Variants in GRIN2A observed in about 807,000 individuals in gnomAD.
GRIN2A encodes the protein glutamate ionotropic receptor NMDA type subunit 2A.
GRIN2A carries 22 observed loss-of-function variants against 113.4 expected under a neutral mutation model. The observed-to-expected ratio is 0.19, with a 90% CI of 0.14 to 0.28. The LOEUF is 0.28. Ranked by LOEUF, GRIN2A falls within the 10% of genes least tolerant of loss-of-function variation. The pLI is 1.00. For missense variants in GRIN2A, 1,502 were observed against 1,887.0 expected (o/e 0.80, Z 3.78); for synonymous variants, 827 against 738.4 (o/e 1.12, Z -1.94).
intron 2 of GRIN2A, among the ~76,000 whole-genome samples, chr16:10,135,937 C>T (rs1304209564): frequency 6.6e-6 from 1 of 152,200 alleles, no homozygotes; most frequent in Non-Finnish European, 1.5e-5. Flanking sequence ...TCCAAGTTGA[C>T]ACAGAACTGA....
At chr16:9,912,838 T>A (rs2044173040) in intron 3 of GRIN2A, among the ~76,000 whole-genome samples, 1 of 152,242 alleles carries the variant, frequency 6.6e-6, no homozygotes, top group Non-Finnish European at 1.5e-5. Flanking sequence ...TTGAATTTCA[T>A]ATCTAAAAGG....
At chr16:10,092,861 CTTTT>C (rs33949885) in intron 2 of GRIN2A, among the ~76,000 whole-genome samples, 10 of 142,502 alleles carry the variant, frequency 7.0e-5, no homozygotes, top group East Asian at 2.0e-4. Context: ...TGAAAAGTTG[CTTTT>C]TTTTTTTTTT....
intron 2 of GRIN2A, chr16:9,943,212 A>G (rs1312828263): frequency 1.3e-5 from 2 of 152,158 alleles, no homozygotes; most frequent in Non-Finnish European, 2.9e-5. Context: ...GCTTCCTTAG[A>G]ATGTGCAGCT....
At position 9,763,876 on chromosome 16, in the gene GRIN2A, G is replaced by T. The variant is rs770966136; in HGVS notation, c.3668C>A (p.Thr1223Asn). ...HCRSCLSNMPTYSGHFTMRSP... is the reference protein window; with the variant it reads ...HCRSCLSNMPNYSGHFTMRSP... ...CCTCATGGTGAAGTGGCCTGAATAG[G>T]TGGGCATGTTGGAAAGGCAGCTTCT... Residue 1223 changes from threonine (T) to asparagine (N), a missense_variant, in exon 13 of 13, where the codon ACC becomes AAC. Thr to Asn is a moderately conservative substitution (Grantham distance 65). Coordinates refer to ENST00000330684, the MANE Select transcript of GRIN2A (RefSeq NM_001134407.3). 13 of 1,614,132 alleles carry T rather than the reference G, an allele frequency of 8.1e-6. No homozygotes were observed. The highest frequency in any genetic ancestry group is 1.1e-5 in the Non-Finnish European group (13 of 1,180,012).
At position 9,901,726 on chromosome 16, in the gene GRIN2A, C is replaced by T. The variant is rs561112525; in HGVS notation, c.1008-10626G>A. ...TCGGCCTCCCAAAGTGCTGGGATTA[C>T]AGGCATGAGCCACCACATCCCACGC... On this transcript the variant is annotated intron_variant, in intron 3 of 12. Transcript: ENST00000330684. Among the ~76,000 whole-genome samples, 7 of 152,296 alleles carry T rather than the reference C, an allele frequency of 4.6e-5. No individual in the cohort carries two copies. The East Asian group carries it at 1.4e-3, about 29-fold the overall frequency.
intron 2 of GRIN2A, among the ~76,000 whole-genome samples, chr16:10,132,925 G>T (rs1194637705): frequency 1.3e-5 from 2 of 152,188 alleles, no homozygotes; most frequent in African/African-American, 4.8e-5. Flanking sequence ...TAAGGCTTTA[G>T]AGGAGAATCC....
chr16:10,013,778 C>T (rs2046553351), intron 2 of GRIN2A, among the ~76,000 whole-genome samples: 1 of 152,196 alleles, frequency 6.6e-6, no homozygotes, highest in African/African-American at 2.4e-5. Context: ...TTTTTCCAGG[C>T]AAAGAGATTT....
chr16:10,118,964 TGGAAAGAAAAGACAGTGAGATTTAGG>T (rs1488022974), intron 2 of GRIN2A, among the ~76,000 whole-genome samples: 1 of 152,116 alleles, frequency 6.6e-6, no homozygotes, highest in Non-Finnish European at 1.5e-5. Flanking sequence ...TTCTGCTGAT[TGGAAAGAAAAGACAGTGAGATTTAGG>T]GGACTGGAAG....
intron 4 of GRIN2A, among the ~76,000 whole-genome samples, chr16:9,858,140 C>G (rs80203128): frequency 0.012 from 1,816 of 152,242 alleles, 54 homozygotes; most frequent in African/African-American, 0.042. Flanking sequence ...TTCCCTGGGA[C>G]TTTTGATGGA....
chr16:10,163,110 A>G (rs531398124), intron 2 of GRIN2A, among the ~76,000 whole-genome samples: 8 of 152,314 alleles, frequency 5.3e-5, no homozygotes, highest in African/African-American at 1.9e-4. Context: ...CTCTTCATTC[A>G]ACCCCAATGA....
intron 2 of GRIN2A, among the ~76,000 whole-genome samples, chr16:9,990,559 G>GTGCA (rs1567220801): frequency 0.01 from 976 of 94,628 alleles, 18 homozygotes; most frequent in African/African-American, 0.031. Context: ...GCGCGCGCGC[G>GTGCA]CGCGCACACA....
At chr16:9,862,727 T>G (rs1370125109) in intron 4 of GRIN2A, among the ~76,000 whole-genome samples, 1 of 152,184 alleles carries the variant, frequency 6.6e-6, no homozygotes. Context: ...AAGTTAATAG[T>G]GTTTTCTCTC....
At chr16:9,980,461 A>G (rs1311999098) in intron 2 of GRIN2A, among the ~76,000 whole-genome samples, 1 of 152,148 alleles carries the variant, frequency 6.6e-6, no homozygotes, top group Non-Finnish European at 1.5e-5. Context: ...TAGAAATACC[A>G]TTTGACCCAG....
intron 11 of GRIN2A, among the ~76,000 whole-genome samples, chr16:9,771,952 A>G (rs930611718): frequency 3.3e-5 from 5 of 152,136 alleles, no homozygotes; most frequent in Non-Finnish European, 7.4e-5. Flanking sequence ...AGATTTTCCT[A>G]GTTTTCTTTT....
chr16:10,083,205 A>C (rs1445850607), intron 2 of GRIN2A, among the ~76,000 whole-genome samples: 1 of 152,250 alleles, frequency 6.6e-6, no homozygotes, highest in African/African-American at 2.4e-5. Context: ...AGACAATGCA[A>C]ACAGGAGCTA....
At position 10,087,853 on chromosome 16, in the gene GRIN2A, A is replaced by ATTT. The variant is rs376085870; in HGVS notation, c.414+92142_414+92144dup. 1.9e-4 allele frequency among the ~76,000 whole-genome samples: 21 copies of ATTT among 108,448 alleles called. 1 individual carries two copies. The highest frequency in any genetic ancestry group is 2.5e-4 in the African/African-American group (7 of 27,850). The allele number at this position is 108,448 out of a possible 152,430, so 71.1% of individuals were successfully genotyped here. ...AGGCATGCACCACCATGCCCAGCTA[A>ATTT]TTTTTTTTTTTTTTTTTTTTTGAGA... is the stretch of plus-strand genomic sequence containing the variant. On this transcript the variant is annotated intron_variant, in intron 2 of 12. Coordinates refer to ENST00000330684, the MANE Select transcript of GRIN2A (RefSeq NM_001134407.3).
chr16:9,780,190 G>C (rs1206338174), intron 11 of GRIN2A, among the ~76,000 whole-genome samples: 2 of 152,224 alleles, frequency 1.3e-5, no homozygotes, highest in Non-Finnish European at 2.9e-5. Context: ...TACATTTTCA[G>C]AACACTGGTT....
intron 2 of GRIN2A, among the ~76,000 whole-genome samples, chr16:9,940,879 C>A (rs2044857364): frequency 1.3e-5 from 2 of 151,948 alleles, no homozygotes; most frequent in Admixed American, 1.3e-4. Context: ...CAAAATAGGG[C>A]AACAAGATAA....
At chr16:9,992,980 C>G (rs1937803898) in intron 2 of GRIN2A, among the ~76,000 whole-genome samples, 1 of 151,960 alleles carries the variant, frequency 6.6e-6, no homozygotes, top group Non-Finnish European at 1.5e-5. Flanking sequence ...CTTTGGGAGG[C>G]CAAGGTGGAT....
Sources: gnomAD v4.1 joint callset for allele counts (sites outside exome capture counted in the v4.1 genomes callset) on GRCh38, gnomAD v4.1.1 for gene constraint, MANE v1.5 for transcripts, NCBI Gene and HGNC (gene_info 2026-07-23, HGNC 2026-07-21) for gene names.